DPP6: variants seen among roughly 807,000 people sequenced by gnomAD.
DPP6 encodes the protein A-type potassium channel modulatory protein DPP6.
DPP6 carries 69 observed loss-of-function variants against 122.6 expected under a neutral mutation model. The ratio of observed to expected loss-of-function variants is 0.56; its 90% confidence interval spans 0.46 to 0.69. The LOEUF (loss-of-function observed/expected upper bound fraction) is 0.69. Among genes scored for constraint, DPP6 ranks in the 30% least tolerant of loss-of-function variants. The probability of loss-of-function intolerance (pLI) is 0.00; values close to 1 mark genes in which losing one functional copy is unlikely to be tolerated. For synonymous variants in DPP6, 418 were observed against 433.1 expected (o/e 0.97, Z 0.43); for missense variants, 928 against 1,116.9 (o/e 0.83, Z 2.41).
chr7:154,001,942 T>C (rs987160868), intron 1 of DPP6, among the ~76,000 whole-genome samples: 5 of 151,896 alleles, frequency 3.3e-5, no homozygotes, highest in African/African-American at 1.2e-4. Flanking sequence ...CCACGGAGCA[T>C]GGAGGCTTTT....
intron 1 of DPP6, among the ~76,000 whole-genome samples, chr7:153,918,785 AC>A (rs1370077187): frequency 6.6e-6 from 1 of 151,782 alleles, no homozygotes; most frequent in African/African-American, 2.4e-5. Flanking sequence ...TTCAGGATCA[AC>A]CTGGCCAACA....
At chr7:154,265,926 A>T (rs1803391940) in intron 1 of DPP6, among the ~76,000 whole-genome samples, 2 of 152,226 alleles carry the variant, frequency 1.3e-5, no homozygotes, top group Non-Finnish European at 2.9e-5. Context: ...TTATCTAAAA[A>T]TGCAACATGT....
At chr7:154,889,617 A>G (rs1247827328) in intron 25 of DPP6, 87 bp downstream of exon 25, 3 of 1,538,692 alleles carry the variant, frequency 1.9e-6, no homozygotes, top group Admixed American at 2.0e-5. Context: ...AGGGCCTTCT[A>G]CTGCAGCAGA....
intron 1 of DPP6, among the ~76,000 whole-genome samples, chr7:154,276,443 G>A (rs1804133188): frequency 1.3e-5 from 2 of 152,186 alleles, no homozygotes; most frequent in African/African-American, 4.8e-5. Context: ...TTTAGCAAAT[G>A]GCATTGATAA....
At chr7:154,794,305 G>T (rs56229550) in intron 11 of DPP6, 103 bp downstream of exon 11, 2 of 1,385,660 alleles carry the variant, frequency 1.4e-6, no homozygotes, top group African/African-American at 1.5e-5. Flanking sequence ...CCTGGGACTT[G>T]GGGACCGGCC....
At chr7:154,883,280 TCACACA>T (rs1381603131) in intron 21 of DPP6, among the ~76,000 whole-genome samples, 17 of 142,388 alleles carry the variant, frequency 1.2e-4, no homozygotes, top group African/African-American at 4.3e-4. Flanking sequence ...ACACACATGC[TCACACA>T]TACACACACA....
chr7:154,597,046 T>C (rs749835494), intron 5 of DPP6, among the ~76,000 whole-genome samples: 21 of 152,100 alleles, frequency 1.4e-4, no homozygotes, highest in Non-Finnish European at 1.9e-4. Flanking sequence ...CTTCTTAGTA[T>C]TTTGAGGCAG....
chr7:154,362,168 A>T (rs1181867819), intron 1 of DPP6, among the ~76,000 whole-genome samples: 3 of 152,218 alleles, frequency 2.0e-5, no homozygotes, highest in Non-Finnish European at 4.4e-5. Flanking sequence ...CACTGGAAGA[A>T]CTGAAGTCAA....
At chr7:154,438,469 C>CAAAAAAAAAAAAAAAAAAAAAAAAAAA (rs58978160) in intron 1 of DPP6, among the ~76,000 whole-genome samples, 1 of 37,472 alleles carries the variant, frequency 2.7e-5, no homozygotes, top group Non-Finnish European at 4.8e-5. Flanking sequence ...GACTCCAACT[C>CAAAAAAAAAAAAAAAAAAAAAAAAAAA]AAAAAAAAAA....
At chr7:153,930,159 A>C (rs980549084) in intron 1 of DPP6, among the ~76,000 whole-genome samples, 3 of 152,240 alleles carry the variant, frequency 2.0e-5, no homozygotes, top group Non-Finnish European at 2.9e-5. Context: ...AGTGTGAAGC[A>C]ACCACTTAGG....
chr7:153,950,346 A>T (rs1802151501), intron 1 of DPP6, among the ~76,000 whole-genome samples: 1 of 152,206 alleles, frequency 6.6e-6, no homozygotes, highest in African/African-American at 2.4e-5. Context: ...ATGGAATGTT[A>T]GGTGTGAGAC....
chr7:154,209,613 G>C (rs985569077), intron 1 of DPP6, among the ~76,000 whole-genome samples: 12 of 151,334 alleles, frequency 7.9e-5, no homozygotes, highest in African/African-American at 2.4e-4. Context: ...AGCGTACCTA[G>C]TTTCCATCCT....
At chr7:154,080,176 A>T (rs1318186148) in intron 1 of DPP6, among the ~76,000 whole-genome samples, 2 of 152,168 alleles carry the variant, frequency 1.3e-5, no homozygotes, top group Non-Finnish European at 2.9e-5. Flanking sequence ...CCACAGTGGG[A>T]AGTGGGCTGT....
At chr7:154,523,216 GTTCTT>G (rs1314486021) in intron 3 of DPP6, among the ~76,000 whole-genome samples, 1 of 152,060 alleles carries the variant, frequency 6.6e-6, no homozygotes, top group Non-Finnish European at 1.5e-5. Context: ...TTTCTAACTC[GTTCTT>G]TTCTTTTTTT....
At chr7:154,251,807 C>A (rs898332821) in intron 1 of DPP6, among the ~76,000 whole-genome samples, 2 of 134,794 alleles carry the variant, frequency 1.5e-5, no homozygotes, top group Non-Finnish European at 3.2e-5. Flanking sequence ...GCCTTACTGC[C>A]ATGCTGGCAG....
intron 1 of DPP6, among the ~76,000 whole-genome samples, chr7:154,061,339 C>T (rs1185143306): frequency 6.1e-5 from 9 of 147,860 alleles, no homozygotes; most frequent in African/African-American, 1.5e-4. Context: ...CTGACAAAGC[C>T]TTTTCCATTG....
At chr7:153,834,289 A>AAAAG in the DPP6 span, among the ~76,000 whole-genome samples, 134 of 150,954 alleles carry the variant, frequency 8.9e-4, no homozygotes, top group African/African-American at 3.1e-3. Flanking sequence ...AAAAAAAAAA[A>AAAAG]GTAAGTACAT....
chr7:153,850,203 C>G, the DPP6 span, among the ~76,000 whole-genome samples: 8 of 152,184 alleles, frequency 5.3e-5, no homozygotes, highest in African/African-American at 1.9e-4. Flanking sequence ...AGGCTGCAAT[C>G]AAGATGCCAG....
chr7:154,690,628 C>T (rs12719583), intron 7 of DPP6, among the ~76,000 whole-genome samples: 4 of 152,082 alleles, frequency 2.6e-5, no homozygotes, highest in Admixed American at 1.3e-4. Context: ...AACCACCCCC[C>T]ACCCCGCATC....
Sources: gnomAD v4.1 joint callset for allele counts (sites outside exome capture counted in the v4.1 genomes callset) on GRCh38, gnomAD v4.1.1 for gene constraint, MANE v1.5 for transcripts, NCBI Gene and HGNC (gene_info 2026-07-23, HGNC 2026-07-21) for gene names.